The following GLOD5 variants were observed in gnomAD, a reference collection of about 807,000 sequenced individuals.
GLOD5 encodes the protein glyoxalase domain containing 5.
A neutral mutation model predicts 9.9 loss-of-function variants in GLOD5; 7 were observed. The observed-to-expected ratio is 0.71, with a 90% CI of 0.40 to 1.33. The LOEUF is 1.33. GLOD5 is among the 40% of genes most tolerant of loss of function. The pLI is 0.01. For synonymous variants in GLOD5, 49 were observed against 47.3 expected, an observed-to-expected ratio of 1.04 and a Z score of -0.14; for missense variants, 146 against 128.4, an observed-to-expected ratio of 1.14 and a Z score of -0.66.
At chrX:48,761,933 C>T (rs963950979) in intron 1 of GLOD5, 80 bp downstream of exon 1, 39 of 752,041 alleles carry the variant, frequency 5.2e-5, no homozygotes, top group Middle Eastern at 5.8e-4. Flanking sequence ...CCCTTCTCTG[C>T]GGGCTCCCAT....
chrX:48,773,203 C>G (rs782076692), intron 3 of GLOD5, 107 bp from the exon 4 acceptor site: 1 of 928,165 alleles, frequency 1.1e-6, no homozygotes, highest in African/African-American at 2.0e-5. Flanking sequence ...GCACTCCAGC[C>G]TGGGTGACGG....
At chrX:48,773,278 C>G (rs377587944) in intron 3 of GLOD5, 32 bp from the exon 4 acceptor site, 4 of 1,206,362 alleles carry the variant, frequency 3.3e-6, no homozygotes, top group Middle Eastern at 2.3e-4. Context: ...CACATTTTGA[C>G]GAACGACTTT....
intron 1 of GLOD5, among the ~76,000 whole-genome samples, chrX:48,764,540 T>C (rs781906405): frequency 3.5e-3 from 373 of 106,028 alleles, no homozygotes; most frequent in Non-Finnish European, 5.9e-3. Context: ...GTCAATCTGG[T>C]TCCAGAATCT....
intron 2 of GLOD5, among the ~76,000 whole-genome samples, chrX:48,767,308 T>C (rs1433930272): frequency 9.0e-6 from 1 of 111,495 alleles, no homozygotes; most frequent in Non-Finnish European, 1.9e-5. Flanking sequence ...ATCCAGACAA[T>C]GAAATATTAT....
At chrX:48,771,860 T>C (rs1039611532) in intron 3 of GLOD5, among the ~76,000 whole-genome samples, 12 of 111,838 alleles carry the variant, frequency 1.1e-4, no homozygotes, top group Admixed American at 3.8e-4. Context: ...AAAGAAGGAC[T>C]GAAAGAAGAT....
In GLOD5 at chrX:48,764,514, G is replaced by C. The variant is rs150584387; in HGVS notation, c.64-1321G>C. On this transcript the variant is annotated intron_variant, in intron 1 of 3. Transcript: ENST00000303227. Reference sequence around the variant, plus strand: ...GGGAAACCAAGGCACAGATAAATTAGATAAATTATTTAAACGTCAATCTGG... The same window carrying C: ...GGGAAACCAAGGCACAGATAAATTACATAAATTATTTAAACGTCAATCTGG... Among the ~76,000 whole-genome samples the C allele has an allele frequency of 6.1e-3, 653 of 107,833 alleles. 5 individuals are homozygous for C. Among genetic ancestry groups the C allele is most frequent in the African/African-American group, 0.021 (622 of 29,757 alleles). 93.6% of individuals were successfully genotyped at this position (107,833 alleles called of 115,157 possible).
intron 2 of GLOD5, 42 bp from the exon 3 acceptor site, chrX:48,770,885 T>G (rs782405523): frequency 2.2e-5 from 23 of 1,068,714 alleles, no homozygotes; most frequent in Admixed American, 6.3e-5. Context: ...ATCTTGGAGG[T>G]TTAATTCTAG....
intron 2 of GLOD5, among the ~76,000 whole-genome samples, chrX:48,766,818 T>G (rs2062610242): frequency 9.8e-6 from 1 of 101,766 alleles, no homozygotes; most frequent in Non-Finnish European, 2.0e-5. Context: ...TTACAAAATT[T>G]CCCACTTGCT....
chrX:48,764,326 T>G (rs781822885), intron 1 of GLOD5, among the ~76,000 whole-genome samples: 1 of 111,328 alleles, frequency 9.0e-6, no homozygotes, highest in Non-Finnish European at 1.9e-5. Flanking sequence ...TCATTGTAAC[T>G]GGAGTCTAGA....
intron 2 of GLOD5, among the ~76,000 whole-genome samples, chrX:48,767,297 CA>C (rs1295076363): frequency 9.0e-6 from 1 of 111,559 alleles, no homozygotes; most frequent in African/African-American, 3.3e-5. Flanking sequence ...AACTGTGGCA[CA>C]TCCAGACAAT....
chrX:48,761,944 T>C (rs1419692399), intron 1 of GLOD5, 91 bp downstream of exon 1: 1 of 665,851 alleles, frequency 1.5e-6, no homozygotes, highest in Non-Finnish European at 2.3e-6. Flanking sequence ...GGGCTCCCAT[T>C]TCCTGTCCTC....
intron 1 of GLOD5, among the ~76,000 whole-genome samples, chrX:48,764,306 A>T (rs2062603504): frequency 9.0e-6 from 1 of 111,399 alleles, no homozygotes; most frequent in African/African-American, 3.3e-5. Flanking sequence ...GAGGCTGTAG[A>T]GATAGGGTGT....
At chrX:48,765,577 CAA>C (rs66661999) in intron 1 of GLOD5, 2,635 of 166,860 alleles carry the variant, frequency 0.016, no homozygotes, top group East Asian at 0.02. Flanking sequence ...GACTCTGTCT[CAA>C]AAAAAAAAAA....
chrX:48,761,964 T>C, intron 1 of GLOD5, 111 bp downstream of exon 1: 2 of 587,264 alleles, frequency 3.4e-6, no homozygotes, highest in Non-Finnish European at 2.8e-6. Context: ...CCTCTCTCCC[T>C]TTCTCTTTCA....
rs61735980 is a variant in GLOD5 at position 48,773,325 on chromosome X, A to G, written c.373A>G (p.Ile125Val). ...CCCACTTCAGGCTTGTGATGTCCCTATTGAGGAGGGGCCAGTCCCCAGAAC... is the reference window on the plus strand; with the variant it reads ...CCCACTTCAGGCTTGTGATGTCCCTGTTGAGGAGGGGCCAGTCCCCAGAAC... ...IQHLKACDVP[I>V]EEGPVPRTGA... The change falls in exon 4 of 4, where the codon ATT (isoleucine) becomes GTT (valine). Residue 125 changes from isoleucine (I) to valine (V), a missense_variant. Ile to Val is a conservative substitution (Grantham distance 29, BLOSUM62 3). Coordinates refer to ENST00000303227, the MANE Select transcript of GLOD5 (RefSeq NM_001080489.3). 8 of 1,207,441 alleles carry G rather than the reference A, an allele frequency of 6.6e-6. No individual in the cohort carries two copies. The highest frequency in any genetic ancestry group is 5.3e-5 in the African/African-American group (3 of 56,561).
At chrX:48,763,309 G>A (rs1464297673) in intron 1 of GLOD5, among the ~76,000 whole-genome samples, 3 of 111,860 alleles carry the variant, frequency 2.7e-5, no homozygotes, top group African/African-American at 9.7e-5. Context: ...ATTTTCTCTC[G>A]AGAAATTAAG....
At chrX:48,769,494 CTGGG>C (rs1288317851) in intron 2 of GLOD5, among the ~76,000 whole-genome samples, 1 of 110,785 alleles carries the variant, frequency 9.0e-6, no homozygotes, top group East Asian at 2.8e-4. Context: ...GCATTCCAGC[CTGGG>C]TGATAGAATG....
At chrX:48,767,399 G>A (rs1392455835) in intron 2 of GLOD5, among the ~76,000 whole-genome samples, 1 of 112,116 alleles carries the variant, frequency 8.9e-6, no homozygotes, top group Non-Finnish European at 1.9e-5. Context: ...GGCCGAGGCG[G>A]GTGGATCACC....
chrX:48,771,136 A>C, intron 3 of GLOD5, 54 bp downstream of exon 3: 1 of 1,011,487 alleles, frequency 9.9e-7, no homozygotes, highest in Non-Finnish European at 1.3e-6. Flanking sequence ...CAGTGAAAAC[A>C]GAAGAATGAC....
Sources: gnomAD v4.1 joint callset for allele counts (sites outside exome capture counted in the v4.1 genomes callset) on GRCh38, gnomAD v4.1.1 for gene constraint, MANE v1.5 for transcripts, NCBI Gene and HGNC (gene_info 2026-07-23, HGNC 2026-07-21) for gene names.